SAXO1: variants seen among roughly 807,000 people sequenced by gnomAD.
SAXO1 encodes the protein 4930500O09Rik.
Under a neutral mutation model 17.5 loss-of-function variants are expected in SAXO1, and 21 were observed. The observed-to-expected ratio is 1.20, with a 90% CI of 0.85 to 1.72. The LOEUF is 1.72. Ranked by LOEUF, SAXO1 falls within the 40% of genes most tolerant of loss-of-function variation. The pLI, the probability that SAXO1 is intolerant of heterozygous loss-of-function variation, is 0.00. For synonymous variants in SAXO1, 274 were observed against 216.5 expected (o/e 1.27, Z -2.33); for missense variants, 843 against 596.0 (o/e 1.41, Z -4.32).
In SAXO1 at chr9:19,031,415, A is replaced by C. The variant is rs572330791; in HGVS notation, c.38+1456T>G. Among the ~76,000 whole-genome samples, 221 of 152,330 alleles carry C rather than the reference A, an allele frequency of 1.5e-3. 2 individuals are homozygous for C. The highest frequency in any genetic ancestry group is 5.2e-3 in the African/African-American group (218 of 41,576). ...TGTCTCTACTAAAAATACAAAAATT[A>C]GCCAGGCATGGTGGCATGTGCCTGT... is the stretch of plus-strand genomic sequence containing the variant. On this transcript the variant is annotated intron_variant, in intron 1 of 3. Transcript: ENST00000380534.
At chr9:18,940,647 G>A (rs978018346) in intron 3 of SAXO1, among the ~76,000 whole-genome samples, 1 of 152,166 alleles carries the variant, frequency 6.6e-6, no homozygotes, top group African/African-American at 2.4e-5. Flanking sequence ...CTAGGGCAAG[G>A]CAAAGGTTGG....
chr9:19,027,333 C>G lies in SAXO1; in HGVS notation c.38+5538G>C, dbSNP rs187260423. On this transcript the variant is annotated intron_variant, in intron 1 of 3. Transcript: ENST00000380534. The stretch of plus-strand genomic sequence containing the variant: ...AGACTCCTATCCAATCCTGGAGACA[C>G]TGCCCAGAGTACGACTCGCGGGTGA... 1.5e-5 allele frequency: 12 copies of G among 795,918 alleles called. No individual in the cohort carries two copies. In the African/African-American group the frequency reaches 2.0e-4, roughly 13 times the overall value. The allele number at this position is 795,918 out of a possible 1,614,324, so 49.3% of individuals were successfully genotyped here. A position where few individuals can be genotyped will look rare whatever the true frequency, so the allele number is the denominator to read the frequency against.
In SAXO1 at chr9:19,033,196, T is replaced by C; in HGVS notation, c.-288A>G. The stretch of plus-strand genomic sequence containing the variant: ...CCTCCGCAGTCCAGACTTAAGCACC[T>C]GGAGCGGCTGACTGGGCCCCAGGAA... On this transcript the variant is annotated 5_prime_UTR_variant, in exon 1 of 4. Coordinates refer to ENST00000380534, the MANE Select transcript of SAXO1 (RefSeq NM_153707.4). 2.8e-6 allele frequency: 1 copy of C among 354,734 alleles called. No homozygotes were observed. Among genetic ancestry groups the C allele is most frequent in the Non-Finnish European group, 5.1e-6 (1 of 197,668 alleles). The allele number at this position is 354,734 out of a possible 1,614,324, so 22.0% of individuals were successfully genotyped here.
At chr9:18,946,385 C>A (rs1030078305) in intron 2 of SAXO1, among the ~76,000 whole-genome samples, 1 of 150,958 alleles carries the variant, frequency 6.6e-6, no homozygotes, top group African/African-American at 2.4e-5. Context: ...AGACAGGAAG[C>A]CCTAAATTCT....
intron 1 of SAXO1, chr9:19,027,040 T>C (rs905001483): frequency 1.2e-6 from 1 of 840,542 alleles, no homozygotes; most frequent in African/African-American, 1.7e-5. Flanking sequence ...ACCCATGAGC[T>C]CCAAGCCATG....
chr9:18,975,853 C>G (rs529469958), intron 1 of SAXO1, among the ~76,000 whole-genome samples: 24 of 151,318 alleles, frequency 1.6e-4, no homozygotes, highest in Middle Eastern at 3.4e-3. Context: ...AAAGTGAGAC[C>G]CAAAAGAAAG....
intron 1 of SAXO1, among the ~76,000 whole-genome samples, chr9:18,966,480 T>C (rs578132123): frequency 2.6e-4 from 40 of 152,356 alleles, no homozygotes; most frequent in Non-Finnish European, 5.3e-4. Context: ...ATGCTTTATT[T>C]CATTAAGTTG....
In SAXO1 at chr9:18,969,886, A is replaced by G. The variant is rs150608344; in HGVS notation, c.39-18949T>C. The stretch of plus-strand genomic sequence containing the variant: ...GCCAATGGGGTTAAGAACCTGCTCA[A>G]TATCATAGAACAGTCCATTTTAAAA... On this transcript the variant is annotated intron_variant, in intron 1 of 3. Transcript: ENST00000380534. 7.9e-5 allele frequency among the ~76,000 whole-genome samples: 12 copies of G among 152,370 alleles called. No individual in the cohort carries two copies. In the East Asian group the frequency reaches 1.3e-3, roughly 17 times the overall value.
chr9:19,009,519 G>A (rs900300869), intron 1 of SAXO1, among the ~76,000 whole-genome samples: 4 of 152,280 alleles, frequency 2.6e-5, no homozygotes, highest in Admixed American at 1.3e-4. Flanking sequence ...TGCTTTTTGG[G>A]CTCTGGGCAA....
chr9:19,044,175 G>C (rs1444070277), intron 1 of SAXO1, among the ~76,000 whole-genome samples: 1 of 151,768 alleles, frequency 6.6e-6, no homozygotes, highest in East Asian at 1.9e-4. Context: ...GCAACACAAA[G>C]GATAAATGCT....
intron 1 of SAXO1, among the ~76,000 whole-genome samples, chr9:18,979,794 T>C (rs1006637931): frequency 6.6e-6 from 1 of 152,194 alleles, no homozygotes; most frequent in African/African-American, 2.4e-5. Context: ...TGAGCTATGA[T>C]TGTACCACTG....
intron 1 of SAXO1, among the ~76,000 whole-genome samples, chr9:18,973,202 A>T (rs570677676): frequency 3.3e-5 from 5 of 152,364 alleles, no homozygotes; most frequent in Admixed American, 6.5e-5. Context: ...TTGTACAGGT[A>T]GTTACCAGGT....
chr9:19,044,591 C>G (rs1022505564), intron 1 of SAXO1, among the ~76,000 whole-genome samples: 6 of 152,158 alleles, frequency 3.9e-5, no homozygotes, highest in African/African-American at 1.4e-4. Flanking sequence ...CCGGCGGGCG[C>G]GGTAGCTCAC....
At position 18,950,800 on chromosome 9, in the gene SAXO1, T is replaced by C. The variant is rs551789849; in HGVS notation, c.176A>G (p.Tyr59Cys). 1.9e-6 allele frequency: 3 copies of C among 1,613,742 alleles called. No individual in the cohort carries two copies. Among genetic ancestry groups the C allele is most frequent in the East Asian group, 2.2e-5 (1 of 44,880 alleles). The change falls in exon 2 of 4, where the codon TAC becomes TGC. Residue 59 changes from tyrosine (Y) to cysteine (C), a missense_variant. Tyr to Cys is a radical substitution (Grantham distance 194). Coordinates refer to ENST00000380534, the MANE Select transcript of SAXO1 (RefSeq NM_153707.4). ...PRESFKPRRE[Y>C]QKGPIPMEGL... ...TTCCATTGGTATAGGCCCTTTCTGG[T>C]ACTCCCGCCTTGGCTTGAAGGACTC...
At chr9:19,032,775 G>T in intron 1 of SAXO1, 96 bp downstream of exon 1, 1 of 1,391,810 alleles carries the variant, frequency 7.2e-7, no homozygotes. Flanking sequence ...AACCCACCGT[G>T]ATGCCGCCTG....
At chr9:18,975,199 G>A (rs1261114779) in intron 1 of SAXO1, among the ~76,000 whole-genome samples, 2 of 148,988 alleles carry the variant, frequency 1.3e-5, no homozygotes, top group African/African-American at 2.5e-5. Flanking sequence ...GGGAAGCAAG[G>A]AGGCTGCAGG....
chr9:18,981,435 C>G (rs998770513), intron 1 of SAXO1, among the ~76,000 whole-genome samples: 2 of 152,168 alleles, frequency 1.3e-5, no homozygotes, highest in Non-Finnish European at 2.9e-5. Flanking sequence ...TTCCTCCTGA[C>G]CCTTACCCCC....
intron 2 of SAXO1, among the ~76,000 whole-genome samples, chr9:18,943,982 G>C (rs1189936288): frequency 6.6e-6 from 1 of 152,230 alleles, no homozygotes; most frequent in African/African-American, 2.4e-5. Context: ...CCAGACTCTT[G>C]AAAACTAAAG....
chr9:19,035,348 G>T (rs571903386), upstream of SAXO1, among the ~76,000 whole-genome samples: 10 of 152,220 alleles, frequency 6.6e-5, no homozygotes, highest in African/African-American at 2.2e-4. Flanking sequence ...CTTGCCACCC[G>T]CCATGTAGGA....
Sources: allele counts gnomAD v4.1 joint callset (sites outside exome capture counted in the v4.1 genomes callset), GRCh38; gene constraint gnomAD v4.1.1; transcripts MANE v1.5; gene names NCBI Gene and HGNC (gene_info 2026-07-23, HGNC 2026-07-21).